OR56A3: variants seen among roughly 807,000 people sequenced by gnomAD.
OR56A3 encodes olfactory receptor 56A3.
A neutral mutation model predicts 17.5 loss-of-function variants in OR56A3; 23 were observed. The ratio of observed to expected loss-of-function variants is 1.32; its 90% confidence interval spans 0.95 to 1.87. OR56A3 has a LOEUF of 1.87. Among genes scored for constraint, OR56A3 ranks in the 40% most tolerant of loss-of-function variants. OR56A3 has a pLI of 0.00. For missense variants in OR56A3, 366 were observed against 380.1 expected, an observed-to-expected ratio of 0.96 and a Z score of 0.31; for synonymous variants, 175 against 150.6, an observed-to-expected ratio of 1.16 and a Z score of -1.19.
At chr11:6,017,242 T>C in the OR56A3 span, 198 of 152,268 alleles carry the variant, frequency 1.3e-3, 1 homozygote, top group African/African-American at 4.6e-3. Flanking sequence ...AAATAAAACC[T>C]ATTTAACAAA....
At chr11:5,987,179 A>C in the OR56A3 span, among the ~76,000 whole-genome samples, 3 of 152,204 alleles carry the variant, frequency 2.0e-5, no homozygotes, top group African/African-American at 7.2e-5. Context: ...TCTACTATTC[A>C]GTTGCTTATA....
the OR56A3 span, among the ~76,000 whole-genome samples, chr11:5,962,696 G>A: frequency 1.1e-3 from 170 of 151,980 alleles, no homozygotes; most frequent in African/African-American, 3.5e-3. Flanking sequence ...CTGCCACCGC[G>A]CCCGGCTAAT....
At chr11:5,946,075 C>T (rs151328828) in intron 2 of OR56A3, among the ~76,000 whole-genome samples, 3 of 152,286 alleles carry the variant, frequency 2.0e-5, no homozygotes, top group African/African-American at 7.2e-5. Context: ...TGACCTACAC[C>T]CTTGCCAAGC....
At chr11:5,966,036 G>A in the OR56A3 span, among the ~76,000 whole-genome samples, 1 of 151,996 alleles carries the variant, frequency 6.6e-6, no homozygotes, top group Admixed American at 6.6e-5. Context: ...AGGGAAGATA[G>A]AAATCAAAAC....
the OR56A3 span, among the ~76,000 whole-genome samples, chr11:5,971,443 A>C: frequency 5.9e-5 from 9 of 152,110 alleles, no homozygotes; most frequent in Non-Finnish European, 1.2e-4. Context: ...GTGCTTTACA[A>C]TTCCCAGACT....
chr11:6,019,399 T>C, the OR56A3 span: 1 of 152,140 alleles, frequency 6.6e-6, no homozygotes, highest in African/African-American at 2.4e-5. Flanking sequence ...ACATCATGTA[T>C]TAGTCCGTTT....
At chr11:5,982,496 G>A in the OR56A3 span, among the ~76,000 whole-genome samples, 1 of 152,158 alleles carries the variant, frequency 6.6e-6, no homozygotes, top group Admixed American at 6.5e-5. Flanking sequence ...AACTGAGGCT[G>A]TGATGAAGCA....
the OR56A3 span, among the ~76,000 whole-genome samples, chr11:5,998,350 G>A: frequency 6.6e-6 from 1 of 152,082 alleles, no homozygotes; most frequent in Non-Finnish European, 1.5e-5. Context: ...AAGATCCCAG[G>A]GAGACTCCTG....
At chr11:5,968,140 T>G in the OR56A3 span, 1 of 1,614,150 alleles carries the variant, frequency 6.2e-7, no homozygotes, top group Non-Finnish European at 8.5e-7. Flanking sequence ...GCCATGATCA[T>G]GAATGTGCAG....
the OR56A3 span, chr11:6,003,249 T>C: frequency 1.4e-6 from 1 of 711,982 alleles, no homozygotes; most frequent in African/African-American, 1.8e-5. Flanking sequence ...GAGTAATTAA[T>C]ATTGTTATCC....
In OR56A3 at chr11:5,948,279, G is replaced by C. The variant is rs1304950052; in HGVS notation, c.933G>C (p.Leu311Phe). Residue 311 changes from leucine (L) to phenylalanine (F), a missense_variant, in exon 3 of 3, where the codon TTG (leucine) becomes TTC (phenylalanine). Transcript: ENST00000641160. The stretch of plus-strand genomic sequence containing the variant: ...TTAAGCAGGGAATGCAGAGGTTGTT[G>C]AAGAAAGGGTGCTAACAAGGACCAC... The part of the protein sequence containing the change: ...QEIKQGMQRL[L>F]KKGC 6.2e-7 allele frequency: 1 copy of C among 1,612,980 alleles called. No individual in the cohort carries two copies. The highest frequency in any genetic ancestry group is 1.7e-5 in the Admixed American group (1 of 60,006).
chr11:6,011,653 C>T, the OR56A3 span, among the ~76,000 whole-genome samples: 3 of 152,140 alleles, frequency 2.0e-5, no homozygotes, highest in Non-Finnish European at 4.4e-5. Flanking sequence ...CCAGTGGTGC[C>T]TTTGCCTGAG....
At chr11:5,985,655 G>C in the OR56A3 span, among the ~76,000 whole-genome samples, 1 of 152,152 alleles carries the variant, frequency 6.6e-6, no homozygotes, top group African/African-American at 2.4e-5. Flanking sequence ...CACATTCAGA[G>C]CTATCATCTA....
chr11:6,008,003 GT>G, the OR56A3 span, among the ~76,000 whole-genome samples: 1 of 152,142 alleles, frequency 6.6e-6, no homozygotes, highest in Non-Finnish European at 1.5e-5. Flanking sequence ...CAATGCAATT[GT>G]TAACAATACT....
chr11:5,993,349 A>G, the OR56A3 span, among the ~76,000 whole-genome samples: 95,804 of 151,984 alleles, frequency 0.63, 30,792 homozygotes, highest in South Asian at 0.78. Flanking sequence ...GAAGTCAAGC[A>G]TAGATGGTGG....
At chr11:5,962,193 T>TTGATTTGCA in the OR56A3 span, among the ~76,000 whole-genome samples, 2 of 152,264 alleles carry the variant, frequency 1.3e-5, no homozygotes, top group Non-Finnish European at 2.9e-5. Flanking sequence ...TTACATTTAA[T>TTGATTTGCA]TGATTTGCAT....
chr11:5,962,353 T>C, the OR56A3 span, among the ~76,000 whole-genome samples: 2 of 152,182 alleles, frequency 1.3e-5, no homozygotes, highest in African/African-American at 4.8e-5. Context: ...TGTAGTTTTC[T>C]TTGTGTGTGC....
the OR56A3 span, among the ~76,000 whole-genome samples, chr11:6,015,159 G>T: frequency 6.6e-6 from 1 of 152,106 alleles, no homozygotes; most frequent in Non-Finnish European, 1.5e-5. Flanking sequence ...TAAGTAAAAA[G>T]AAACCAAGTG....
the OR56A3 span, chr11:5,967,973 T>G: frequency 6.3e-7 from 1 of 1,591,226 alleles, no homozygotes; most frequent in Non-Finnish European, 8.6e-7. Flanking sequence ...TGATGATGTG[T>G]CCTGCACAGT....
Sources: gnomAD v4.1 joint callset for allele counts (sites outside exome capture counted in the v4.1 genomes callset) on GRCh38, gnomAD v4.1.1 for gene constraint, MANE v1.5 for transcripts, NCBI Gene and HGNC (gene_info 2026-07-23, HGNC 2026-07-21) for gene names.